Variants in RANBP2 observed in about 807,000 individuals in gnomAD.
RANBP2 encodes the protein E3 SUMO-protein ligase RanBP2.
RANBP2 carries 57 observed loss-of-function variants against 303.6 expected under a neutral mutation model. That is an observed-to-expected ratio of 0.19 (90% confidence interval 0.15 to 0.23). The LOEUF (loss-of-function observed/expected upper bound fraction) is 0.23. RANBP2 is among the 10% of genes least tolerant of loss of function. The pLI is 1.00. For missense variants in RANBP2, 3,138 were observed against 3,780.8 expected (o/e 0.83, Z 4.46); for synonymous variants, 1,167 against 1,301.5 (o/e 0.90, Z 2.23).
the RANBP2 span, among the ~76,000 whole-genome samples, chr2:109,254,282 G>T: frequency 2.0e-5 from 3 of 152,152 alleles, no homozygotes; most frequent in Non-Finnish European, 4.4e-5. Flanking sequence ...GCACGCAGCA[G>T]CATAGTGGCT....
At chr2:109,089,111 C>T in the RANBP2 span, among the ~76,000 whole-genome samples, 1 of 152,030 alleles carries the variant, frequency 6.6e-6, no homozygotes, top group South Asian at 2.1e-4. Flanking sequence ...GGAAGCCCCA[C>T]AGGAGGAAAA....
the RANBP2 span, among the ~76,000 whole-genome samples, chr2:109,536,694 A>G: frequency 3.3e-5 from 5 of 152,174 alleles, no homozygotes; most frequent in African/African-American, 4.8e-5. Context: ...GGGAGGGGCC[A>G]GGGATGGAAT....
the RANBP2 span, among the ~76,000 whole-genome samples, chr2:108,843,302 C>T: frequency 9.9e-5 from 15 of 152,090 alleles, no homozygotes; most frequent in African/African-American, 2.7e-4. Context: ...GGATTACAGG[C>T]GCCCACCACC....
chr2:108,933,764 G>A, the RANBP2 span, among the ~76,000 whole-genome samples: 9 of 151,830 alleles, frequency 5.9e-5, no homozygotes, highest in African/African-American at 1.5e-4. Context: ...AGGCAGCGAC[G>A]GGAGATCGGG....
chr2:108,847,241 G>A, the RANBP2 span, among the ~76,000 whole-genome samples: 1 of 152,098 alleles, frequency 6.6e-6, no homozygotes, highest in African/African-American at 2.4e-5. Context: ...TTCCACTAGC[G>A]AATGTGTTGG....
At chr2:109,186,831 TC>T in the RANBP2 span, among the ~76,000 whole-genome samples, 4 of 152,144 alleles carry the variant, frequency 2.6e-5, no homozygotes, top group African/African-American at 9.7e-5. Flanking sequence ...CAGCCTCACC[TC>T]CCCAGCTATG....
At chr2:109,599,156 A>G in the RANBP2 span, among the ~76,000 whole-genome samples, 6 of 151,914 alleles carry the variant, frequency 3.9e-5, 1 homozygote, top group African/African-American at 1.4e-4. Context: ...ACAACCCAGA[A>G]AAAAAAGAAC....
chr2:109,173,778 G>A, the RANBP2 span, among the ~76,000 whole-genome samples: 1 of 152,196 alleles, frequency 6.6e-6, no homozygotes, highest in Non-Finnish European at 1.5e-5. Flanking sequence ...TGTGTGCTGT[G>A]AGCTCAGTGT....
the RANBP2 span, among the ~76,000 whole-genome samples, chr2:109,119,529 A>G: frequency 6.6e-6 from 1 of 152,196 alleles, no homozygotes; most frequent in African/African-American, 2.4e-5. Flanking sequence ...AGCTTTTTTT[A>G]TATTCAATTT....
chr2:108,977,363 G>T, the RANBP2 span, among the ~76,000 whole-genome samples: 1 of 152,140 alleles, frequency 6.6e-6, no homozygotes, highest in Non-Finnish European at 1.5e-5. Flanking sequence ...GCGCCTCCCG[G>T]GTTCACGCCA....
the RANBP2 span, among the ~76,000 whole-genome samples, chr2:109,135,870 A>G: frequency 6.6e-6 from 1 of 152,188 alleles, no homozygotes; most frequent in Non-Finnish European, 1.5e-5. Context: ...AAACTTCATT[A>G]AAAGGGAAAA....
chr2:109,662,708 G>A, the RANBP2 span, among the ~76,000 whole-genome samples: 1 of 152,258 alleles, frequency 6.6e-6, no homozygotes, highest in East Asian at 1.9e-4. Flanking sequence ...ACCATGCCCG[G>A]CCTCACCCTC....
chr2:108,976,137 C>T, the RANBP2 span, among the ~76,000 whole-genome samples: 1 of 152,094 alleles, frequency 6.6e-6, no homozygotes, highest in Non-Finnish European at 1.5e-5. Flanking sequence ...TTTTCTGTTC[C>T]AGGATCCCAT....
At chr2:109,313,420 G>A in the RANBP2 span, among the ~76,000 whole-genome samples, 1 of 152,252 alleles carries the variant, frequency 6.6e-6, no homozygotes, top group Admixed American at 6.5e-5. Flanking sequence ...GTGCTCATGA[G>A]AGGCATGGAT....
chr2:109,573,785 GAGTT>G, the RANBP2 span, among the ~76,000 whole-genome samples: 8 of 152,188 alleles, frequency 5.3e-5, no homozygotes, highest in African/African-American at 1.7e-4. Flanking sequence ...AATCTGAAGT[GAGTT>G]AGTTTATGAA....
chr2:109,082,774 C>T, the RANBP2 span, among the ~76,000 whole-genome samples: 1 of 151,286 alleles, frequency 6.6e-6, no homozygotes, highest in Non-Finnish European at 1.5e-5. Context: ...ATGATGGCAC[C>T]TGTAAATAAT....
At chr2:109,635,664 G>A in the RANBP2 span, among the ~76,000 whole-genome samples, 3 of 152,198 alleles carry the variant, frequency 2.0e-5, no homozygotes, top group South Asian at 2.1e-4. Flanking sequence ...TCAGATGGTC[G>A]GTGGGGGACA....
At chr2:108,823,565 G>A in the RANBP2 span, among the ~76,000 whole-genome samples, 1 of 152,196 alleles carries the variant, frequency 6.6e-6, no homozygotes, top group African/African-American at 2.4e-5. Context: ...GTTGTTCCTA[G>A]GCTGTGATCC....
At chr2:109,574,660 A>G in the RANBP2 span, 1 of 1,609,946 alleles carries the variant, frequency 6.2e-7, no homozygotes, top group Admixed American at 1.7e-5. Context: ...GTAGAGACAC[A>G]CATGGATGCG....
Sources: allele counts gnomAD v4.1 joint callset (sites outside exome capture counted in the v4.1 genomes callset), GRCh38; gene constraint gnomAD v4.1.1; transcripts MANE v1.5; gene names NCBI Gene and HGNC (gene_info 2026-07-23, HGNC 2026-07-21).